Variants in VWA2 observed in about 807,000 individuals in gnomAD.
The protein encoded by VWA2 is von Willebrand factor A domain-containing protein 2.
VWA2 carries 73 observed loss-of-function variants against 70.4 expected under a neutral mutation model. The observed-to-expected ratio is 1.04, with a 90% CI of 0.86 to 1.26. The LOEUF is 1.26. VWA2 is among the 50% of genes most tolerant of loss of function. The probability of loss-of-function intolerance (pLI) is 0.00; values close to 1 mark genes in which losing one functional copy is unlikely to be tolerated. For synonymous variants in VWA2, 407 were observed against 423.3 expected (o/e 0.96, Z 0.47); for missense variants, 1,011 against 998.5 (o/e 1.01, Z -0.17).
chr10:114,270,557 G>A (rs992367176), intron 5 of VWA2, among the ~76,000 whole-genome samples: 7 of 152,196 alleles, frequency 4.6e-5, no homozygotes, highest in Non-Finnish European at 8.8e-5. Context: ...AGGTGTGTGT[G>A]TGTAGTGTCT....
intron 1 of VWA2, among the ~76,000 whole-genome samples, chr10:114,240,024 A>G (rs1176792302): frequency 6.6e-6 from 1 of 151,990 alleles, no homozygotes; most frequent in Non-Finnish European, 1.5e-5. Context: ...GCTCGCTTCC[A>G]CCCCACACCC....
At chr10:114,258,526 A>C (rs1461556457) in intron 4 of VWA2, among the ~76,000 whole-genome samples, 3 of 152,220 alleles carry the variant, frequency 2.0e-5, no homozygotes, top group Non-Finnish European at 2.9e-5. Flanking sequence ...ACCACCAATT[A>C]AACAAAATGC....
intron 2 of VWA2, among the ~76,000 whole-genome samples, chr10:114,253,193 CTCT>C (rs2037235715): frequency 4.0e-5 from 1 of 24,702 alleles, no homozygotes; most frequent in Non-Finnish European, 7.8e-5. Flanking sequence ...TTCCCCTCCC[CTCT>C]CTCCTCTCCC....
chr10:114,274,288 C>T (rs923112756), intron 6 of VWA2, among the ~76,000 whole-genome samples: 6 of 152,078 alleles, frequency 3.9e-5, no homozygotes, highest in African/African-American at 1.4e-4. Context: ...GGGTTTTAAG[C>T]AGGGGAATGA....
intron 1 of VWA2, among the ~76,000 whole-genome samples, chr10:114,248,464 G>C (rs2037122230): frequency 6.6e-6 from 1 of 152,166 alleles, no homozygotes. Flanking sequence ...GGTGCATTTG[G>C]GGGTGGATGA....
Position 114,294,444 on chromosome 10 carries a change from G to A in VWA2, c.*3207G>A, listed in dbSNP as rs536593059. On this transcript the variant is annotated 3_prime_UTR_variant, in exon 14 of 14. Transcript: ENST00000392982. The stretch of plus-strand genomic sequence containing the variant: ...GTCTATTTGTCTCTTTAATGAACCC[G>A]ATTTTGATTTTGTCATTTTTAAAAT... Among the ~76,000 whole-genome samples, 12 of 152,112 alleles carry A rather than the reference G, an allele frequency of 7.9e-5. No individual in the cohort carries two copies. The highest frequency in any genetic ancestry group is 7.7e-4 in the East Asian group (4 of 5,188).
chr10:114,266,342 A>G lies in VWA2; in HGVS notation c.371+5047A>G, dbSNP rs957303776. On this transcript the variant is annotated intron_variant, in intron 5 of 13. Transcript: ENST00000392982. ...CTTTGTAGGTACGTAGTAGGTATAT[A>G]TATGTATGGGGTATGTGAGATGTTT... 5.9e-5 allele frequency among the ~76,000 whole-genome samples: 9 copies of G among 152,206 alleles called. No individual in the cohort carries two copies. In the East Asian group the frequency reaches 1.2e-3, roughly 20 times the overall value.
intron 1 of VWA2, among the ~76,000 whole-genome samples, chr10:114,245,575 G>T (rs1040365564): frequency 6.6e-6 from 1 of 152,122 alleles, no homozygotes; most frequent in South Asian, 2.1e-4. Flanking sequence ...GCAGGTGGGG[G>T]CTTGTTCTGC....
chr10:114,264,438 G>A (rs1312593984), intron 5 of VWA2, among the ~76,000 whole-genome samples: 1 of 150,974 alleles, frequency 6.6e-6, no homozygotes, highest in African/African-American at 2.4e-5. Flanking sequence ...TTTTTTTTGA[G>A]ATGGAGTCTT....
intron 4 of VWA2, among the ~76,000 whole-genome samples, chr10:114,259,994 C>A (rs991523849): frequency 7.9e-5 from 12 of 152,218 alleles, no homozygotes; most frequent in African/African-American, 2.9e-4. Context: ...TCCCACGTCC[C>A]ACGCCTGTCG....
intron 5 of VWA2, among the ~76,000 whole-genome samples, chr10:114,271,332 A>T (rs559626848): frequency 1.3e-5 from 2 of 152,318 alleles, no homozygotes; most frequent in South Asian, 4.2e-4. Flanking sequence ...AACTTTATGG[A>T]GCACCGCAAA....
At position 114,239,525 on chromosome 10, in the gene VWA2, G is replaced by A. The variant is rs552721209; in HGVS notation, c.-55G>A. On this transcript the variant is annotated 5_prime_UTR_variant, in exon 1 of 14. Coordinates refer to ENST00000392982, the MANE Select transcript of VWA2 (RefSeq NM_001272046.2). The stretch of plus-strand genomic sequence containing the variant: ...GCCCGAGCCGCGCCCGGGTCTGTGA[G>A]TAGAGCCGCCCGGGCACCGAGCGCT... 3.9e-5 allele frequency: 6 copies of A among 152,356 alleles called. No homozygotes were observed. The highest frequency in any genetic ancestry group is 1.4e-4 in the African/African-American group (6 of 41,572). The allele number at this position is 152,356 out of a possible 1,614,324, so 9.4% of individuals were successfully genotyped here.
intron 6 of VWA2, among the ~76,000 whole-genome samples, chr10:114,273,268 G>T (rs2037752066): frequency 6.6e-6 from 1 of 152,174 alleles, no homozygotes; most frequent in Admixed American, 6.5e-5. Flanking sequence ...AGGGACTTCA[G>T]TGTCATCGAG....
chr10:114,255,337 T>C (rs750837508), intron 4 of VWA2, among the ~76,000 whole-genome samples: 4 of 152,146 alleles, frequency 2.6e-5, no homozygotes, highest in Non-Finnish European at 5.9e-5. Context: ...CTCAAGCTAG[T>C]GACCCTATTA....
chr10:114,246,123 G>T, intron 1 of VWA2: 1 of 952,634 alleles, frequency 1.0e-6, no homozygotes, highest in Non-Finnish European at 1.7e-6. Context: ...GTAGATCTCT[G>T]GAGCCTTGGT....
chr10:114,271,646 A>G (rs948966522), intron 5 of VWA2, among the ~76,000 whole-genome samples: 13 of 140,408 alleles, frequency 9.3e-5, no homozygotes, highest in Non-Finnish European at 1.5e-4. Flanking sequence ...CACACACAGC[A>G]GGTAATGCCC....
At chr10:114,288,832 G>A (rs1255509536) in intron 11 of VWA2, 106 bp from the exon 12 acceptor site, 1 of 1,170,304 alleles carries the variant, frequency 8.5e-7, no homozygotes, top group Non-Finnish European at 1.2e-6. Flanking sequence ...AGTGAACAGA[G>A]CACCCTGGCT....
At chr10:114,285,006 G>A in intron 10 of VWA2, 36 bp downstream of exon 10, 1 of 1,505,808 alleles carries the variant, frequency 6.6e-7, no homozygotes, top group Non-Finnish European at 8.9e-7. Flanking sequence ...CTGACCACTG[G>A]GGAGCAAGAA....
chr10:114,276,949 C>T (rs540489184), intron 6 of VWA2, among the ~76,000 whole-genome samples: 23 of 152,158 alleles, frequency 1.5e-4, no homozygotes, highest in East Asian at 1.2e-3. Context: ...GCCTGCAGAC[C>T]GTGGCTGTGC....
Sources: allele counts gnomAD v4.1 joint callset (sites outside exome capture counted in the v4.1 genomes callset), GRCh38; gene constraint gnomAD v4.1.1; transcripts MANE v1.5; gene names NCBI Gene and HGNC (gene_info 2026-07-23, HGNC 2026-07-21).